The following PREX2 variants were observed in gnomAD, a reference collection of about 807,000 sequenced individuals.
PREX2 encodes the protein phosphatidylinositol 3,4,5-trisphosphate-dependent Rac exchanger 2 protein.
Under a neutral mutation model 203.2 loss-of-function variants are expected in PREX2, and 107 were observed. The ratio of observed to expected loss-of-function variants is 0.53; its 90% CI spans 0.45 to 0.62. The LOEUF (loss-of-function observed/expected upper bound fraction) is 0.62, where lower values mean the gene tolerates loss of function less well. Ranked by LOEUF, PREX2 falls within the 20% of genes least tolerant of loss-of-function variation. The probability of loss-of-function intolerance (pLI) is 0.00; values close to 1 mark genes in which losing one functional copy is unlikely to be tolerated. For synonymous variants in PREX2, 672 were observed against 663.6 expected, an observed-to-expected ratio of 1.01 and a Z score of -0.19; for missense variants, 1,777 against 1,955.9, an observed-to-expected ratio of 0.91 and a Z score of 1.72.
At chr8:68,019,046 C>G (rs1028166947) in intron 2 of PREX2, among the ~76,000 whole-genome samples, 1 of 152,200 alleles carries the variant, frequency 6.6e-6, no homozygotes. Flanking sequence ...GGTTTAGCAC[C>G]TGTGACCCAG....
At chr8:68,007,264 C>T (rs781604279) in intron 1 of PREX2, among the ~76,000 whole-genome samples, 4 of 152,256 alleles carry the variant, frequency 2.6e-5, no homozygotes, top group Middle Eastern at 3.4e-3. Flanking sequence ...TAGTTTTTCT[C>T]ATATTTCTTG....
chr8:68,112,207 C>A (rs1188138976), intron 25 of PREX2, among the ~76,000 whole-genome samples: 3 of 152,128 alleles, frequency 2.0e-5, no homozygotes, highest in Non-Finnish European at 4.4e-5. Flanking sequence ...TTTGTGATTC[C>A]AATTTCACTT....
intron 35 of PREX2, among the ~76,000 whole-genome samples, chr8:68,187,322 T>A (rs1045729770): frequency 1.7e-4 from 26 of 152,220 alleles, no homozygotes; most frequent in Non-Finnish European, 3.2e-4. Flanking sequence ...ACTTAATTTT[T>A]ATTTCTTAAC....
intron 1 of PREX2, among the ~76,000 whole-genome samples, chr8:67,988,878 C>T (rs75534379): frequency 0.061 from 9,238 of 152,320 alleles, 328 homozygotes; most frequent in Non-Finnish European, 0.089. Context: ...CAAGAGGCAG[C>T]ATGGCCGTAG....
chr8:68,042,115 T>C (rs1194861663), intron 7 of PREX2, among the ~76,000 whole-genome samples: 1 of 152,040 alleles, frequency 6.6e-6, no homozygotes, highest in East Asian at 1.9e-4. Flanking sequence ...GAACTTCACC[T>C]CAGCATATGC....
intron 1 of PREX2, among the ~76,000 whole-genome samples, chr8:67,961,201 A>G (rs1348856614): frequency 1.3e-5 from 2 of 152,052 alleles, no homozygotes; most frequent in Non-Finnish European, 2.9e-5. Context: ...ATACCAAATA[A>G]AATTATTATG....
At position 68,052,107 on chromosome 8, in the gene PREX2, C is replaced by G. The variant is rs186231273; in HGVS notation, c.944-990C>G. 3.4e-3 allele frequency among the ~76,000 whole-genome samples: 520 copies of G among 152,210 alleles called. 1 individual carries two copies. Among genetic ancestry groups the G allele is most frequent in the Non-Finnish European group, 4.5e-3 (305 of 67,990 alleles). On this transcript the variant is annotated intron_variant, in intron 8 of 39. Transcript: ENST00000288368. ...TCATCTGAGAAAAAAAAGAACAAAACAAGCAAAGTGCCACAAAGTCATTTT... is the reference window on the plus strand; with the variant it reads ...TCATCTGAGAAAAAAAAGAACAAAAGAAGCAAAGTGCCACAAAGTCATTTT...
At chr8:68,180,975 A>G (rs181062676) in intron 35 of PREX2, among the ~76,000 whole-genome samples, 2 of 152,230 alleles carry the variant, frequency 1.3e-5, no homozygotes, top group East Asian at 1.9e-4. Context: ...TCAAGCTTAC[A>G]TTTCTTTGCA....
intron 34 of PREX2, 77 bp downstream of exon 34, chr8:68,146,429 A>T (rs1196431015): frequency 8.0e-7 from 1 of 1,248,254 alleles, no homozygotes; most frequent in African/African-American, 1.5e-5. Context: ...ATGTGATTTT[A>T]ACAGTTGGGA....
chr8:68,117,086 A>G (rs958679139), intron 26 of PREX2, among the ~76,000 whole-genome samples: 69 of 152,228 alleles, frequency 4.5e-4, no homozygotes, highest in Non-Finnish European at 1.0e-4. Context: ...TTTTGCAATG[A>G]AAAGATATTG....
intron 38 of PREX2, among the ~76,000 whole-genome samples, chr8:68,221,553 T>C (rs1049710367): frequency 6.6e-6 from 1 of 152,180 alleles, no homozygotes; most frequent in Non-Finnish European, 1.5e-5. Flanking sequence ...ACTAAGATGA[T>C]ATTTGATTTG....
Position 68,112,220 on chromosome 8 carries a change from G to A in PREX2, c.3146+2597G>A, listed in dbSNP as rs530274979. Among the ~76,000 whole-genome samples, 3 of 152,260 alleles carry A rather than the reference G, an allele frequency of 2.0e-5. No individual in the cohort carries two copies. The South Asian group carries it at 6.2e-4, about 32-fold the overall frequency. On this transcript the variant is annotated intron_variant, in intron 25 of 39. Transcript: ENST00000288368. Reference sequence around the variant, plus strand: ...GATTTGTGATTCCAATTTCACTTTGGAAAGTTAAAGACTTTTGCCCTGCAA... The same window carrying A: ...GATTTGTGATTCCAATTTCACTTTGAAAAGTTAAAGACTTTTGCCCTGCAA...
At chr8:68,194,233 A>T (rs189474334) in intron 37 of PREX2, among the ~76,000 whole-genome samples, 7 of 152,300 alleles carry the variant, frequency 4.6e-5, no homozygotes, top group African/African-American at 1.4e-4. Flanking sequence ...GTTGCTGGGG[A>T]TACAGCATTG....
At chr8:68,178,080 A>T (rs994557577) in intron 35 of PREX2, among the ~76,000 whole-genome samples, 3 of 152,176 alleles carry the variant, frequency 2.0e-5, no homozygotes, top group Non-Finnish European at 4.4e-5. Context: ...TGCTATTGTG[A>T]ATAGTGCTGC....
At chr8:68,127,110 A>G (rs1459780872) in intron 30 of PREX2, among the ~76,000 whole-genome samples, 3 of 152,132 alleles carry the variant, frequency 2.0e-5, no homozygotes, top group African/African-American at 7.2e-5. Context: ...ATTCAGAGAC[A>G]TTTCAGGATC....
intron 35 of PREX2, among the ~76,000 whole-genome samples, chr8:68,189,296 G>A (rs905531886): frequency 7.9e-5 from 12 of 152,096 alleles, no homozygotes; most frequent in African/African-American, 2.9e-4. Context: ...AAGTTCCATG[G>A]CCATTTACCT....
At chr8:68,199,098 T>A (rs13248072) in intron 37 of PREX2, among the ~76,000 whole-genome samples, 3,364 of 152,044 alleles carry the variant, frequency 0.022, 52 homozygotes, top group Middle Eastern at 0.041. Context: ...TGGTGGGGGT[T>A]GTTAGTGGCA....
chr8:68,069,092 G>A lies in PREX2; in HGVS notation c.1399G>A (p.Gly467Arg). Residue 467 changes from glycine (G) to arginine (R), a missense_variant, in exon 12 of 40, where the codon GGA becomes AGA. Transcript: ENST00000288368. Reference protein sequence around the residue: ...QMLYRFRYDDGTFYPRNEMQD... With the variant: ...QMLYRFRYDDRTFYPRNEMQD... ...GTTATATAGATTTCGCTATGATGAT[G>A]GAACATTTTATCCAAGAAATGAGAT... 6.3e-7 allele frequency: 1 copy of A among 1,576,272 alleles called. No homozygotes were observed. Among genetic ancestry groups the A allele is most frequent in the Middle Eastern group, 1.7e-4 (1 of 5,988 alleles).
intron 37 of PREX2, among the ~76,000 whole-genome samples, chr8:68,193,586 T>A (rs1368920086): frequency 6.6e-6 from 1 of 151,996 alleles, no homozygotes; most frequent in East Asian, 1.9e-4. Context: ...GCAAAAAAAA[T>A]TTCAAAAATA....
Sources: allele counts gnomAD v4.1 joint callset (sites outside exome capture counted in the v4.1 genomes callset), GRCh38; gene constraint gnomAD v4.1.1; transcripts MANE v1.5; gene names NCBI Gene and HGNC (gene_info 2026-07-23, HGNC 2026-07-21).